Variants in KLHL18 observed in about 807,000 individuals in gnomAD.
The protein encoded by KLHL18 is kelch like family member 18.
KLHL18 carries 38 observed loss-of-function variants against 58.5 expected under a neutral mutation model. The ratio of observed to expected loss-of-function variants is 0.65; its 90% CI spans 0.50 to 0.85. The LOEUF is 0.85. Among genes scored for constraint, KLHL18 ranks in the 40% least tolerant of loss-of-function variants. KLHL18 has a pLI of 0.00. For missense variants in KLHL18, 624 were observed against 778.4 expected, an observed-to-expected ratio of 0.80 and a Z score of 2.36; for synonymous variants, 303 against 301.9, an observed-to-expected ratio of 1.00 and a Z score of -0.04.
chr3:47,312,365 T>C (rs1703321783), intron 1 of KLHL18, among the ~76,000 whole-genome samples: 1 of 152,232 alleles, frequency 6.6e-6, no homozygotes, highest in Non-Finnish European at 1.5e-5. Context: ...GATAATATTT[T>C]ATAAGAAGTA....
intron 2 of KLHL18, among the ~76,000 whole-genome samples, chr3:47,320,731 A>C (rs568265677): frequency 6.6e-6 from 1 of 152,288 alleles, no homozygotes; most frequent in South Asian, 2.1e-4. Flanking sequence ...CAGCCTGGAC[A>C]ACATAAACCA....
intron 1 of KLHL18, among the ~76,000 whole-genome samples, chr3:47,293,681 C>T (rs113805311): frequency 1.1e-3 from 167 of 152,354 alleles, no homozygotes; most frequent in African/African-American, 3.7e-3. Flanking sequence ...GCCGTGCTAA[C>T]ATGTCTTCCA....
At chr3:47,320,768 A>G (rs1316503487) in intron 2 of KLHL18, among the ~76,000 whole-genome samples, 2 of 152,152 alleles carry the variant, frequency 1.3e-5, no homozygotes, top group Non-Finnish European at 2.9e-5. Context: ...AATTGTTTTT[A>G]ATTAGCTGGG....
At chr3:47,296,286 CT>C (rs1466830412) in intron 1 of KLHL18, among the ~76,000 whole-genome samples, 2 of 152,188 alleles carry the variant, frequency 1.3e-5, no homozygotes, top group African/African-American at 4.8e-5. Context: ...CGTGAGCCAT[CT>C]CTTACCTAGT....
intron 1 of KLHL18, chr3:47,287,483 T>A (rs982826699): frequency 6.7e-6 from 1 of 149,000 alleles, no homozygotes; most frequent in African/African-American, 2.5e-5. Context: ...GTGTGTGTAT[T>A]TTTTTTTCTC....
chr3:47,313,447 C>A lies in KLHL18; in HGVS notation c.130-6206C>A, dbSNP rs1306054380. 2.6e-5 allele frequency among the ~76,000 whole-genome samples: 4 copies of A among 151,704 alleles called. No individual in the cohort carries two copies. The East Asian group carries it at 7.8e-4, about 29-fold the overall frequency. ...CCATATTGCCCAGACTGGTCTGAAA[C>A]TTCTGGACCCAGGCAGTCCTCCTAC... On this transcript the variant is annotated intron_variant, in intron 1 of 9. Coordinates refer to ENST00000232766, the MANE Select transcript of KLHL18 (RefSeq NM_025010.5).
intron 1 of KLHL18, among the ~76,000 whole-genome samples, chr3:47,301,289 C>T (rs1703020081): frequency 6.6e-6 from 1 of 151,920 alleles, no homozygotes; most frequent in African/African-American, 2.4e-5. Flanking sequence ...CTGAGAACTT[C>T]TCACCAAACC....
In KLHL18 at chr3:47,344,781, A is replaced by G. The variant is rs1704192144; in HGVS notation, c.*840A>G. The G allele has an allele frequency of 6.5e-6, 1 of 152,688 alleles. No homozygotes were observed. Among genetic ancestry groups the G allele is most frequent in the Admixed American group, 6.5e-5 (1 of 15,290 alleles). The allele number at this position is 152,688 out of a possible 1,614,324, so 9.5% of individuals were successfully genotyped here. A position where few individuals can be genotyped will look rare whatever the true frequency, so the allele number is the denominator to read the frequency against. ...TGGAGAAGGGCGGTATCCACCCCACATTCGGATCCCAGGGTCCTGAGGCCT... is the reference window on the plus strand; with the variant it reads ...TGGAGAAGGGCGGTATCCACCCCACGTTCGGATCCCAGGGTCCTGAGGCCT... On this transcript the variant is annotated 3_prime_UTR_variant, in exon 10 of 10. Coordinates refer to ENST00000232766, the MANE Select transcript of KLHL18 (RefSeq NM_025010.5).
intron 3 of KLHL18, among the ~76,000 whole-genome samples, chr3:47,326,745 C>T (rs1455183154): frequency 1.3e-5 from 2 of 149,982 alleles, no homozygotes; most frequent in African/African-American, 4.9e-5. Context: ...ATAGTGAAAC[C>T]CCATCTCTAC....
intron 1 of KLHL18, 105 bp downstream of exon 1, chr3:47,283,199 G>C: frequency 1.4e-6 from 1 of 706,944 alleles, no homozygotes. Flanking sequence ...GAGGGGTGGG[G>C]AGAAGAGGTG....
Position 47,330,015 on chromosome 3 carries a change from T to C in KLHL18, c.466T>C (p.Tyr156His), listed in dbSNP as rs780475926. Reference protein sequence around the residue: ...FAETMMCAVLYDAANSFIHQH... With the variant: ...FAETMMCAVLHDAANSFIHQH... ...TGAGACAATGATGTGTGCTGTGCTG[T>C]ACGACGCTGCCAACAGCTTCATCCA... Residue 156 changes from tyrosine to histidine, a missense_variant, in exon 4 of 10, where the codon TAC becomes CAC. Tyr to His is a moderately conservative substitution (Grantham distance 83). Coordinates refer to ENST00000232766, the MANE Select transcript of KLHL18 (RefSeq NM_025010.5). The C allele has an allele frequency of 5.6e-6, 9 of 1,614,052 alleles. No homozygotes were observed. The African/African-American group carries it at 9.3e-5, about 17-fold the overall frequency.
At chr3:47,328,426 A>G (rs1047378401) in intron 3 of KLHL18, among the ~76,000 whole-genome samples, 1 of 152,120 alleles carries the variant, frequency 6.6e-6, no homozygotes, top group African/African-American at 2.4e-5. Context: ...ACCAGGTACC[A>G]TGTATCATGG....
chr3:47,302,330 C>T (rs1349173519), intron 1 of KLHL18, among the ~76,000 whole-genome samples: 3 of 151,982 alleles, frequency 2.0e-5, no homozygotes, highest in Admixed American at 6.6e-5. Flanking sequence ...ACTAAAAATA[C>T]AAAAATTAGC....
chr3:47,338,343 A>C (rs1439198915), intron 7 of KLHL18: 1 of 152,194 alleles, frequency 6.6e-6, no homozygotes, highest in African/African-American at 2.4e-5. Flanking sequence ...TTTGTTATGT[A>C]ATTTTTATGT....
chr3:47,327,609 T>G (rs1432573333), intron 3 of KLHL18, among the ~76,000 whole-genome samples: 3 of 152,272 alleles, frequency 2.0e-5, no homozygotes, highest in African/African-American at 7.2e-5. Flanking sequence ...GAGCTGACAT[T>G]CTGACCTTCA....
intron 1 of KLHL18, among the ~76,000 whole-genome samples, chr3:47,303,640 T>G (rs1354468876): frequency 6.6e-6 from 1 of 152,188 alleles, no homozygotes. Flanking sequence ...CTAGGCTGGC[T>G]TCAAACTGCA....
At chr3:47,296,145 C>T (rs1702892284) in intron 1 of KLHL18, among the ~76,000 whole-genome samples, 1 of 152,220 alleles carries the variant, frequency 6.6e-6, no homozygotes. Context: ...TCTGGTGCTT[C>T]TTACATCCTG....
intron 9 of KLHL18, 38 bp from the exon 10 acceptor site, chr3:47,343,517 C>CT (rs1445651893): frequency 6.2e-7 from 1 of 1,610,594 alleles, no homozygotes; most frequent in Non-Finnish European, 8.5e-7. Flanking sequence ...AGCTTTGCCT[C>CT]TGACTGTCCT....
At position 47,334,727 on chromosome 3, in the gene KLHL18, G is replaced by T. The variant is rs773078483; in HGVS notation, c.806G>T (p.Arg269Leu). 3.7e-6 allele frequency: 6 copies of T among 1,614,110 alleles called. No individual in the cohort carries two copies. The highest frequency in any genetic ancestry group is 5.1e-6 in the Non-Finnish European group (6 of 1,180,020). ...AAGGACTACCACCTCATGCCAGAGC[G>T]CCGGCCCCACCTGCCAGCTTTCAGA... ...EAKDYHLMPE[R>L]RPHLPAFRTR... Residue 269 changes from arginine to leucine, a missense_variant, in exon 6 of 10, where the codon CGC becomes CTC. Physicochemically the swap from Arg to Leu is moderately radical, Grantham distance 102. Transcript: ENST00000232766. The surrounding 1 kb of genome is among the most constrained non-coding windows in gnomAD (Gnocchi z 4.7).
Sources: gnomAD v4.1 joint callset for allele counts (sites outside exome capture counted in the v4.1 genomes callset) on GRCh38, gnomAD v4.1.1 for gene constraint, Gnocchi (gnomAD v3.1) non-coding constraint, MANE v1.5 for transcripts, NCBI Gene and HGNC (gene_info 2026-07-23, HGNC 2026-07-21) for gene names.